The following CPED1 variants were observed in gnomAD, a reference collection of about 807,000 sequenced individuals.
CPED1 encodes cadherin like and PC-esterase domain containing 1.
Under a neutral mutation model 128.2 loss-of-function variants are expected in CPED1, and 114 were observed. The observed-to-expected ratio is 0.89, with a 90% CI of 0.76 to 1.04. CPED1 has a LOEUF of 1.04. Among genes scored for constraint, CPED1 ranks in the 50% least tolerant of loss-of-function variants. The pLI, the probability that CPED1 is intolerant of heterozygous loss-of-function variation, is 0.00. For synonymous variants in CPED1, 462 were observed against 426.7 expected (o/e 1.08, Z -1.02); for missense variants, 1,211 against 1,207.1 (o/e 1.00, Z -0.05).
Position 121,218,492 on chromosome 7 carries a change from G to A in CPED1, c.2056-18222G>A, listed in dbSNP as rs207468515. 5.2e-4 allele frequency among the ~76,000 whole-genome samples: 79 copies of A among 152,108 alleles called. 1 individual carries two copies. Among genetic ancestry groups the A allele is most frequent in the African/African-American group, 1.8e-3 (74 of 41,522 alleles). On this transcript the variant is annotated intron_variant, in intron 16 of 22. Transcript: ENST00000310396. ...ATATGTGGGACAGTCCATCCATGCT[G>A]AAGTATTTATAACAGCAATTATTTT...
At chr7:121,229,081 G>A (rs1031015449) in intron 16 of CPED1, among the ~76,000 whole-genome samples, 2 of 151,868 alleles carry the variant, frequency 1.3e-5, no homozygotes, top group Non-Finnish European at 2.9e-5. Flanking sequence ...TCAGAGTAGG[G>A]TGACTACAGC....
chr7:121,194,022 C>CTCTATA (rs1484413430), intron 16 of CPED1, among the ~76,000 whole-genome samples: 70 of 74,708 alleles, frequency 9.4e-4, no homozygotes, highest in Non-Finnish European at 1.5e-3. Context: ...CTCTCTCTCT[C>CTCTATA]TATATATATA....
chr7:121,267,074 A>G (rs1353184760), intron 20 of CPED1, 141 bp from the exon 21 acceptor site: 3 of 620,642 alleles, frequency 4.8e-6, no homozygotes, highest in Non-Finnish European at 8.5e-6. Flanking sequence ...ATTATACATC[A>G]AATATATAAA....
At chr7:121,081,797 TTA>T (rs1794301993) in intron 5 of CPED1, among the ~76,000 whole-genome samples, 1 of 152,168 alleles carries the variant, frequency 6.6e-6, no homozygotes, top group Non-Finnish European at 1.5e-5. Flanking sequence ...TGCTGCAGGA[TTA>T]TTTTATAGAT....
Position 121,292,258 on chromosome 7 carries a change from T to C in CPED1, c.2869-3182T>C, listed in dbSNP as rs183250590. Among the ~76,000 whole-genome samples the C allele has an allele frequency of 4.5e-4, 68 of 152,066 alleles. 2 individuals carry two copies. Among genetic ancestry groups the C allele is most frequent in the Non-Finnish European group, 2.9e-5 (2 of 67,998 alleles). On this transcript the variant is annotated intron_variant, in intron 22 of 22. Coordinates refer to ENST00000310396, the MANE Select transcript of CPED1 (RefSeq NM_024913.5). Reference sequence around the variant, plus strand: ...AATCTTGTCTTCATGCTTTATTTCATTAAGTTGATCTTCAATCTCTGATAT... The same window carrying C: ...AATCTTGTCTTCATGCTTTATTTCACTAAGTTGATCTTCAATCTCTGATAT...
intron 5 of CPED1, among the ~76,000 whole-genome samples, chr7:121,086,402 T>G (rs994032725): frequency 1.8e-4 from 28 of 152,256 alleles, no homozygotes; most frequent in Non-Finnish European, 2.9e-4. Context: ...ATAAGGTATT[T>G]TGTTGTTTAA....
At chr7:121,271,760 A>C (rs1440656257) in intron 22 of CPED1, among the ~76,000 whole-genome samples, 2 of 152,090 alleles carry the variant, frequency 1.3e-5, no homozygotes, top group Non-Finnish European at 2.9e-5. Context: ...TCCAAAAAAA[A>C]GGTGGCAAAG....
chr7:121,022,914 C>T (rs983612798), intron 3 of CPED1, among the ~76,000 whole-genome samples: 1 of 151,784 alleles, frequency 6.6e-6, no homozygotes, highest in East Asian at 1.9e-4. Flanking sequence ...ATTTTAATAA[C>T]GTACTTCTCT....
chr7:121,204,719 A>T (rs1365050304), intron 16 of CPED1, among the ~76,000 whole-genome samples: 1 of 152,158 alleles, frequency 6.6e-6, no homozygotes, highest in African/African-American at 2.4e-5. Context: ...AGAACATTAC[A>T]GCTTCATTAA....
At chr7:121,014,806 C>A (rs974615011) in intron 2 of CPED1, among the ~76,000 whole-genome samples, 4 of 152,074 alleles carry the variant, frequency 2.6e-5, no homozygotes, top group Admixed American at 6.6e-5. Flanking sequence ...TCTTGTTCAG[C>A]CTCTCTCCTG....
chr7:121,188,071 TTTGA>T (rs1797044128), intron 16 of CPED1, among the ~76,000 whole-genome samples: 1 of 152,168 alleles, frequency 6.6e-6, no homozygotes, highest in African/African-American at 2.4e-5. Flanking sequence ...TTTTTCTAAA[TTTGA>T]TTGGTATTTT....
chr7:121,271,801 A>C (rs962545465), intron 22 of CPED1, among the ~76,000 whole-genome samples: 1 of 152,118 alleles, frequency 6.6e-6, no homozygotes, highest in Admixed American at 6.6e-5. Flanking sequence ...GCAAAGCACG[A>C]CTACTTAATG....
intron 3 of CPED1, among the ~76,000 whole-genome samples, chr7:121,025,577 C>A (rs1792557081): frequency 6.6e-6 from 1 of 152,134 alleles, no homozygotes; most frequent in African/African-American, 2.4e-5. Context: ...GAATAAACAC[C>A]TTGCTCGTGG....
chr7:121,113,998 T>C (rs915735692), intron 7 of CPED1, among the ~76,000 whole-genome samples: 3 of 151,942 alleles, frequency 2.0e-5, no homozygotes, highest in Admixed American at 2.0e-4. Context: ...CTGGCAAAGT[T>C]TTTTGTATTT....
Position 121,157,746 on chromosome 7 carries a change from G to A in CPED1, c.2055+15605G>A, listed in dbSNP as rs118040308. 0.014 allele frequency among the ~76,000 whole-genome samples: 2,149 copies of A among 152,170 alleles called. 138 individuals carry two copies. In the East Asian group the frequency reaches 0.22, roughly 16 times the overall value. ...AGACCCGCTGGCAGTTTGTAGTTGT[G>A]CCTTATGTAGAAGGGCTATCGGCAT... On this transcript the variant is annotated intron_variant, in intron 16 of 22. Coordinates refer to ENST00000310396, the MANE Select transcript of CPED1 (RefSeq NM_024913.5).
chr7:121,033,460 A>G (rs958089310), intron 3 of CPED1, among the ~76,000 whole-genome samples: 14 of 152,188 alleles, frequency 9.2e-5, no homozygotes, highest in Admixed American at 6.6e-5. Flanking sequence ...CTAAATAAAC[A>G]CTTATATAAA....
chr7:121,089,959 T>TGTGTG (rs2116181176), intron 5 of CPED1, among the ~76,000 whole-genome samples: 1 of 152,340 alleles, frequency 6.6e-6, no homozygotes, highest in East Asian at 1.9e-4. Context: ...TCTTTCATGC[T>TGTGTG]GTGTGGTCAT....
chr7:121,200,847 A>C (rs1040935766), intron 16 of CPED1, among the ~76,000 whole-genome samples: 4 of 152,136 alleles, frequency 2.6e-5, no homozygotes, highest in Admixed American at 2.6e-4. Context: ...ATCAATGAGG[A>C]AATGACAATG....
chr7:121,157,358 C>T (rs2056594), intron 16 of CPED1, among the ~76,000 whole-genome samples: 66,710 of 151,868 alleles, frequency 0.44, 15,928 homozygotes, highest in East Asian at 0.84. Flanking sequence ...AGAAAGGGGT[C>T]GAGTGCACCA....
Sources: allele counts gnomAD v4.1 joint callset (sites outside exome capture counted in the v4.1 genomes callset), GRCh38; gene constraint gnomAD v4.1.1; transcripts MANE v1.5; gene names NCBI Gene and HGNC (gene_info 2026-07-23, HGNC 2026-07-21).